Variants in DOCK1 observed in about 807,000 individuals in gnomAD.
DOCK1 encodes dedicator of cytokinesis protein 1.
In DOCK1, 138 loss-of-function variants were observed where a neutral mutation model predicts 262.7. The observed-to-expected ratio is 0.53, with a 90% CI of 0.46 to 0.61. The LOEUF is 0.61. DOCK1 is among the 20% of genes least tolerant of loss of function. The probability of loss-of-function intolerance (pLI) is 0.00; values close to 1 mark genes in which losing one functional copy is unlikely to be tolerated. For synonymous variants in DOCK1, 866 were observed against 867.4 expected (o/e 1.00, Z 0.03); for missense variants, 1,908 against 2,370.7 (o/e 0.80, Z 4.05).
In DOCK1 at chr10:127,364,215, CAGG is replaced by C. The variant is rs1358555431; in HGVS notation, c.3432+2006_3432+2008del. On this transcript the variant is annotated intron_variant, in intron 33 of 51. Coordinates refer to ENST00000623213, the MANE Select transcript of DOCK1 (RefSeq NM_001290223.2). ...GTTCCGGAAGCCGGGGAGGAGCACA[CAGG>C]AGATGAACAGAGTCTGACTGCTGGA... 3.9e-5 allele frequency among the ~76,000 whole-genome samples: 6 copies of C among 152,278 alleles called. No homozygotes were observed. In the East Asian group the frequency reaches 7.7e-4, roughly 20 times the overall value.
Position 127,418,493 on chromosome 10 carries a change from C to T in DOCK1, c.4644C>T (p.Asn1548=), listed in dbSNP as rs185222787. 500 of 1,614,146 alleles carry T rather than the reference C, an allele frequency of 3.1e-4. 3 individuals are homozygous for T. In the African/African-American group the frequency reaches 4.8e-3, roughly 15 times the overall value. The change falls in exon 45 of 52, where the codon AAC becomes AAT. Residue 1548 remains asparagine, a synonymous_variant. Coordinates refer to ENST00000623213, the MANE Select transcript of DOCK1 (RefSeq NM_001290223.2). ...TCAACCCGCTCTCCATGCTCCTGAA[C>T]GGCATCGTGGACCCAGCTGTCATGG... ...LPINPLSMLL[N]GIVDPAVMGG...
intron 44 of DOCK1, 35 bp downstream of exon 44, chr10:127,415,273 T>A: frequency 6.3e-7 from 1 of 1,596,232 alleles, no homozygotes. Flanking sequence ...GAATTGTCCG[T>A]TCCCTTCCTC....
chr10:127,178,572 G>A (rs1314693379), intron 27 of DOCK1, among the ~76,000 whole-genome samples: 1 of 152,158 alleles, frequency 6.6e-6, no homozygotes, highest in Non-Finnish European at 1.5e-5. Flanking sequence ...TGGATGCCTC[G>A]GGCTCTTGTT....
Position 127,225,718 on chromosome 10 carries a change from TGG to T in DOCK1, c.2848-22288_2848-22287del, listed in dbSNP as rs200417278. Among the ~76,000 whole-genome samples the T allele has an allele frequency of 3.0e-3, 461 of 152,292 alleles. 6 individuals carry two copies. In the East Asian group the frequency reaches 0.039, roughly 13 times the overall value. On this transcript the variant is annotated intron_variant, in intron 27 of 51. Transcript: ENST00000623213. ...CCCTTTTTAATTTTTTACTCTGTAA[TGG>T]GCAGGAATAGAAATTATGTACAACA...
chr10:127,196,753 C>T (rs1239842692), intron 27 of DOCK1, among the ~76,000 whole-genome samples: 7 of 147,382 alleles, frequency 4.7e-5, no homozygotes, highest in South Asian at 4.2e-4. Context: ...AAGGAGCTGC[C>T]GCCGGCTGCC....
At chr10:126,932,061 G>A (rs1046153654) in intron 1 of DOCK1, among the ~76,000 whole-genome samples, 10 of 152,160 alleles carry the variant, frequency 6.6e-5, no homozygotes, top group African/African-American at 1.9e-4. Flanking sequence ...GAGATGCTAC[G>A]TATTGGATGT....
chr10:127,345,515 G>T (rs913402925), intron 31 of DOCK1, among the ~76,000 whole-genome samples: 1 of 152,170 alleles, frequency 6.6e-6, no homozygotes, highest in African/African-American at 2.4e-5. Flanking sequence ...CTTTCACCTG[G>T]CCATCTTTCC....
chr10:127,213,093 C>A (rs1312566304), intron 27 of DOCK1, among the ~76,000 whole-genome samples: 1 of 152,192 alleles, frequency 6.6e-6, no homozygotes, highest in Non-Finnish European at 1.5e-5. Context: ...TCTTTAGACA[C>A]CTTACTTCTT....
intron 1 of DOCK1, among the ~76,000 whole-genome samples, chr10:126,930,273 C>T (rs1371263072): frequency 6.6e-6 from 1 of 152,198 alleles, no homozygotes; most frequent in Non-Finnish European, 1.5e-5. Flanking sequence ...TTCATGTCCA[C>T]ATGTGTGTTT....
chr10:127,243,937 T>C (rs1417845676), intron 27 of DOCK1, among the ~76,000 whole-genome samples: 2 of 152,218 alleles, frequency 1.3e-5, no homozygotes, highest in Non-Finnish European at 2.9e-5. Context: ...TTTTTGTTTT[T>C]CTTGTACTAT....
At chr10:127,166,849 C>T (rs1230657674) in intron 27 of DOCK1, among the ~76,000 whole-genome samples, 1 of 151,726 alleles carries the variant, frequency 6.6e-6, no homozygotes, top group Non-Finnish European at 1.5e-5. Context: ...CCTTGAATTG[C>T]TCATTTTATC....
Position 127,409,472 on chromosome 10 carries a change from A to G in DOCK1, c.4343+81A>G, listed in dbSNP as rs1044088366. The G allele has an allele frequency of 1.4e-5, 21 of 1,467,444 alleles. No individual in the cohort carries two copies. In the East Asian group the frequency reaches 3.2e-4, roughly 22 times the overall value. The allele number at this position is 1,467,444 out of a possible 1,614,324, so 90.9% of individuals were successfully genotyped here. A position where few individuals can be genotyped will look rare whatever the true frequency, so the allele number is the denominator to read the frequency against. On this transcript the variant is annotated intron_variant, in intron 42 of 51. Coordinates refer to ENST00000623213, the MANE Select transcript of DOCK1 (RefSeq NM_001290223.2). ...TCTCTTGCTAATAATTCCACCTTTTAAAGGACGGACTTTGGCCATGGATTC... is the reference window on the plus strand; with the variant it reads ...TCTCTTGCTAATAATTCCACCTTTTGAAGGACGGACTTTGGCCATGGATTC...
chr10:127,170,342 CT>C (rs1417700153), intron 27 of DOCK1, among the ~76,000 whole-genome samples: 1 of 152,204 alleles, frequency 6.6e-6, no homozygotes, highest in East Asian at 1.9e-4. Flanking sequence ...CTCTCTCCCC[CT>C]ACCCCAAGCC....
intron 27 of DOCK1, among the ~76,000 whole-genome samples, chr10:127,227,119 G>A (rs769421775): frequency 2.0e-5 from 3 of 152,138 alleles, no homozygotes; most frequent in Non-Finnish European, 4.4e-5. Context: ...AGTTCTCCAC[G>A]TGGCCACCCT....
At chr10:126,932,712 C>T (rs2034275788) in intron 1 of DOCK1, among the ~76,000 whole-genome samples, 1 of 152,088 alleles carries the variant, frequency 6.6e-6, no homozygotes, top group Non-Finnish European at 1.5e-5. Flanking sequence ...AGTACCACGG[C>T]CCTCACTGGT....
chr10:127,227,756 G>A (rs11813216), intron 27 of DOCK1, among the ~76,000 whole-genome samples: 2,769 of 152,338 alleles, frequency 0.018, 100 homozygotes, highest in African/African-American at 0.064. Context: ...AACTTGGCAC[G>A]TCTTTCCATG....
At chr10:127,056,698 G>A (rs1412424593) in intron 22 of DOCK1, among the ~76,000 whole-genome samples, 5 of 151,890 alleles carry the variant, frequency 3.3e-5, no homozygotes, top group African/African-American at 1.2e-4. Flanking sequence ...TTCACAGTTT[G>A]ACTTTATTAT....
intron 38 of DOCK1, among the ~76,000 whole-genome samples, chr10:127,392,606 GCACA>G (rs1326437518): frequency 6.6e-6 from 1 of 152,134 alleles, no homozygotes; most frequent in African/African-American, 2.4e-5. Flanking sequence ...TGAGCAAACA[GCACA>G]CAATCAAGAA....
chr10:127,079,297 A>G (rs972861855), intron 23 of DOCK1, among the ~76,000 whole-genome samples: 2 of 152,182 alleles, frequency 1.3e-5, no homozygotes, highest in Non-Finnish European at 2.9e-5. Flanking sequence ...GAAACTTTCT[A>G]TCCCACAGTA....
Sources: allele counts gnomAD v4.1 joint callset (sites outside exome capture counted in the v4.1 genomes callset), GRCh38; gene constraint gnomAD v4.1.1; transcripts MANE v1.5; gene names NCBI Gene and HGNC (gene_info 2026-07-23, HGNC 2026-07-21).